The following PHEX variants were observed in gnomAD, a reference collection of about 807,000 sequenced individuals.
The protein encoded by PHEX is phosphate regulating endopeptidase X-linked, also known as phosphate-regulating neutral endopeptidase PHEX.
Under a neutral mutation model 68.0 loss-of-function variants are expected in PHEX, and 16 were observed. The ratio of observed to expected loss-of-function variants is 0.24; its 90% CI spans 0.16 to 0.36. The LOEUF (loss-of-function observed/expected upper bound fraction) is 0.36, where lower values mean the gene tolerates loss of function less well. Among genes scored for constraint, PHEX ranks in the 10% least tolerant of loss-of-function variants. PHEX has a pLI of 1.00. For missense variants in PHEX, 480 were observed against 575.5 expected (o/e 0.83, Z 1.70); for synonymous variants, 208 against 205.1 (o/e 1.01, Z -0.12).
intron 11 of PHEX, among the ~76,000 whole-genome samples, chrX:22,128,897 A>C (rs1931856702): frequency 9.6e-6 from 1 of 103,988 alleles, no homozygotes; most frequent in African/African-American, 3.5e-5. Context: ...GATAGTACTA[A>C]ACTCTATATA....
chrX:22,233,391 T>G (rs779861107), intron 20 of PHEX, among the ~76,000 whole-genome samples: 1 of 111,512 alleles, frequency 9.0e-6, no homozygotes, highest in Admixed American at 9.5e-5. Flanking sequence ...CTGGATAATA[T>G]CCTGAAGAGT....
At chrX:22,218,281 A>G (rs1935155356) in intron 16 of PHEX, among the ~76,000 whole-genome samples, 3 of 111,472 alleles carry the variant, frequency 2.7e-5, no homozygotes, top group African/African-American at 9.8e-5. Flanking sequence ...GACCCCTTCC[A>G]CTGCATTCTG....
chrX:22,219,190 C>T (rs932081020), intron 17 of PHEX, 87 bp downstream of exon 17: 17 of 641,826 alleles, frequency 2.6e-5, no homozygotes, highest in Non-Finnish European at 4.1e-5. Flanking sequence ...CTTTGCATAG[C>T]AGCAGCATCA....
chrX:22,096,313 T>C (rs1930132874), intron 7 of PHEX, among the ~76,000 whole-genome samples: 1 of 112,269 alleles, frequency 8.9e-6, no homozygotes, highest in African/African-American at 3.2e-5. Flanking sequence ...GATTTGGTGT[T>C]GGCCAAATGG....
At chrX:22,106,343 G>A (rs1248438605) in intron 9 of PHEX, among the ~76,000 whole-genome samples, 2 of 111,781 alleles carry the variant, frequency 1.8e-5, no homozygotes, top group African/African-American at 6.5e-5. Flanking sequence ...CAGAGGTCTG[G>A]TTGTTATGCT....
chrX:22,092,515 G>C (rs748136166), intron 6 of PHEX, among the ~76,000 whole-genome samples: 12 of 109,495 alleles, frequency 1.1e-4, no homozygotes, highest in South Asian at 4.0e-4. Context: ...TGGGATTATG[G>C]GCATGCACCA....
At chrX:22,219,285 C>A (rs1308368032) in intron 17 of PHEX, among the ~76,000 whole-genome samples, 182 bp downstream of exon 17, 1 of 112,600 alleles carries the variant, frequency 8.9e-6, no homozygotes, top group Non-Finnish European at 1.9e-5. Flanking sequence ...AATAAGTAAA[C>A]AATTGTTCCC....
chrX:22,037,165 ACAATG>A (rs1330462256), intron 1 of PHEX, among the ~76,000 whole-genome samples: 1 of 110,594 alleles, frequency 9.0e-6, no homozygotes, highest in African/African-American at 3.3e-5. Context: ...CTAATGTAAC[ACAATG>A]CAATGCAAAG....
Position 22,077,684 on chromosome X carries a change from C to T in PHEX, c.645C>T (p.Ser215=), listed in dbSNP as rs1180999116. The change falls in exon 5 of 22, where the codon TCC becomes TCT. Residue 215 remains serine (S), a synonymous_variant. Coordinates refer to ENST00000379374, the MANE Select transcript of PHEX (RefSeq NM_000444.6). The stretch of plus-strand genomic sequence containing the variant: ...ATGTGTCCCCTGATGACAAAGCATC[C>T]AATGAACATATCTTGAAGGTATAAT... ...RLYVSPDDKA[S]NEHILKLDQA... 5.0e-6 allele frequency: 6 copies of T among 1,198,674 alleles called. No homozygotes were observed. The highest frequency in any genetic ancestry group is 6.8e-6 in the Non-Finnish European group (6 of 883,557).
At chrX:22,070,855 T>G (rs994450116) in intron 3 of PHEX, among the ~76,000 whole-genome samples, 2 of 112,326 alleles carry the variant, frequency 1.8e-5, no homozygotes, top group African/African-American at 6.5e-5. Context: ...AGCCACTTCA[T>G]TCAAATGTCA....
chrX:22,160,013 G>A (rs920629232), intron 12 of PHEX, among the ~76,000 whole-genome samples: 1 of 112,088 alleles, frequency 8.9e-6, no homozygotes, highest in Non-Finnish European at 1.9e-5. Flanking sequence ...TTAAGTAATC[G>A]ATAATATTAC....
At chrX:22,068,081 G>A (rs1001635817) in intron 3 of PHEX, among the ~76,000 whole-genome samples, 9 of 110,638 alleles carry the variant, frequency 8.1e-5, no homozygotes, top group African/African-American at 1.3e-4. Context: ...CAGGTGATCC[G>A]CCTGCCTCTA....
At chrX:22,125,985 A>G (rs940514662) in intron 11 of PHEX, among the ~76,000 whole-genome samples, 1 of 111,416 alleles carries the variant, frequency 9.0e-6, no homozygotes, top group East Asian at 2.8e-4. Flanking sequence ...TTCAATTTCA[A>G]CTCTGCTAGG....
chrX:22,217,077 A>G (rs778693518), intron 16 of PHEX, among the ~76,000 whole-genome samples: 17 of 111,639 alleles, frequency 1.5e-4, no homozygotes, highest in African/African-American at 4.2e-4. Context: ...AGCAATTTCT[A>G]TAAGCTCCCA....
intron 11 of PHEX, among the ~76,000 whole-genome samples, chrX:22,119,575 T>C (rs1265765190): frequency 1.8e-5 from 2 of 109,689 alleles, no homozygotes; most frequent in East Asian, 5.7e-4. Context: ...TATTTTTTAA[T>C]ACTCTTGTCT....
intron 20 of PHEX, among the ~76,000 whole-genome samples, chrX:22,237,473 C>T (rs910169952): frequency 1.8e-5 from 2 of 111,592 alleles, no homozygotes; most frequent in Non-Finnish European, 3.8e-5. Context: ...TCTTTCCATT[C>T]TATTTTCTAC....
At chrX:22,163,324 G>C (rs888537720) in intron 12 of PHEX, 1 of 111,855 alleles carries the variant, frequency 8.9e-6, no homozygotes, top group African/African-American at 3.3e-5. Context: ...TGTTGTTGTT[G>C]TTGTTGTTGT....
chrX:22,185,492 A>G (rs1478345154), intron 14 of PHEX, among the ~76,000 whole-genome samples: 1 of 111,627 alleles, frequency 9.0e-6, no homozygotes, highest in African/African-American at 3.3e-5. Flanking sequence ...ACTGTAGAAA[A>G]CTAGTAATTA....
intron 1 of PHEX, 114 bp from the exon 2 acceptor site, chrX:22,038,355 G>C (rs1037479525): frequency 6.9e-6 from 4 of 583,635 alleles, no homozygotes; most frequent in South Asian, 4.5e-5. Context: ...GGAATACCGT[G>C]TCAACACTGA....
Sources: allele counts gnomAD v4.1 joint callset (sites outside exome capture counted in the v4.1 genomes callset), GRCh38; gene constraint gnomAD v4.1.1; transcripts MANE v1.5; gene names NCBI Gene and HGNC (gene_info 2026-07-23, HGNC 2026-07-21).